The following COPG2 variants were observed in gnomAD, a reference collection of about 807,000 sequenced individuals.
COPG2 encodes the protein coat protein complex I subunit gamma 2, also known as coatomer subunit gamma-2.
A neutral mutation model predicts 46.3 loss-of-function variants in COPG2; 37 were observed. That is an observed-to-expected ratio of 0.80 (90% CI 0.61 to 1.05). The LOEUF is 1.05. Ranked by LOEUF, COPG2 falls within the 50% of genes least tolerant of loss-of-function variation. The probability of loss-of-function intolerance (pLI) is 0.00; values close to 1 mark genes in which losing one functional copy is unlikely to be tolerated. For synonymous variants in COPG2, 159 were observed against 129.7 expected (o/e 1.23, Z -1.53); for missense variants, 427 against 387.8 (o/e 1.10, Z -0.85).
At chr7:130,542,590 T>C (rs1444891835) in intron 20 of COPG2, among the ~76,000 whole-genome samples, 6 of 152,036 alleles carry the variant, frequency 3.9e-5, no homozygotes, top group East Asian at 1.9e-4. Context: ...TGGCAGGGCA[T>C]GCAGGACTGG....
At chr7:130,513,290 T>TAAAAAAAAA (rs1205677638) in intron 20 of COPG2, among the ~76,000 whole-genome samples, 1 of 20,292 alleles carries the variant, frequency 4.9e-5, no homozygotes. Context: ...TAATTCTGTC[T>TAAAAAAAAA]AAAAAAAAAA....
At chr7:130,653,439 A>C (rs1795789313) in intron 4 of COPG2, among the ~76,000 whole-genome samples, 1 of 152,204 alleles carries the variant, frequency 6.6e-6, no homozygotes, top group Non-Finnish European at 1.5e-5. Context: ...TTTTTAGTAG[A>C]GACGGCGTAC....
At position 130,655,580 on chromosome 7, in the gene COPG2, G is replaced by T. The variant is rs530726695; in HGVS notation, c.244-2632C>A. On this transcript the variant is annotated intron_variant, in intron 4 of 23. Transcript: ENST00000425248. The stretch of plus-strand genomic sequence containing the variant: ...CCCTCTCCTCCTTCCTTCTCTCCCC[G>T]CCCCTCTTTTTTCTCTCCAGCTCCT... 1.6e-3 allele frequency among the ~76,000 whole-genome samples: 239 copies of T among 150,714 alleles called. 1 individual carries two copies. The highest frequency in any genetic ancestry group is 5.7e-3 in the African/African-American group (232 of 40,990).
In COPG2 at chr7:130,628,687, A is replaced by G. The variant is rs76363193; in HGVS notation, c.324-11622T>C. Reference sequence around the variant, plus strand: ...GTATCATATTCCTTCTATCTGAAGAATATCCTTTAACATTTCTTGCAGAGT... The same window carrying G: ...GTATCATATTCCTTCTATCTGAAGAGTATCCTTTAACATTTCTTGCAGAGT... On this transcript the variant is annotated intron_variant, in intron 5 of 23. Coordinates refer to ENST00000425248, the MANE Select transcript of COPG2 (RefSeq NM_012133.6). Among the ~76,000 whole-genome samples, 307 of 152,220 alleles carry G rather than the reference A, an allele frequency of 2.0e-3. 2 individuals carry two copies. The highest frequency in any genetic ancestry group is 3.6e-3 in the Non-Finnish European group (242 of 68,018).
chr7:130,592,582 G>A (rs1195477079), intron 9 of COPG2, among the ~76,000 whole-genome samples: 1 of 151,848 alleles, frequency 6.6e-6, no homozygotes. Flanking sequence ...CAATAAACTA[G>A]GAATAAAAAG....
In COPG2 at chr7:130,630,666, C is replaced by A. The variant is rs893639642; in HGVS notation, c.324-13601G>T. On this transcript the variant is annotated intron_variant, in intron 5 of 23. Transcript: ENST00000425248. ...CACTGTGAAACTCTGTTATTAGCTC[C>A]ATAAACAATATTACTTTGTCCTCTT... 2.6e-5 allele frequency among the ~76,000 whole-genome samples: 4 copies of A among 152,178 alleles called. No individual in the cohort carries two copies. In the East Asian group the frequency reaches 7.7e-4, roughly 29 times the overall value.
chr7:130,554,785 A>G (rs1793593465), intron 13 of COPG2, 61 bp from the exon 14 acceptor site: 1 of 398,540 alleles, frequency 2.5e-6, no homozygotes, highest in Non-Finnish European at 4.4e-6. Flanking sequence ...AGAAATGCTT[A>G]CACTCCAAGG....
chr7:130,511,063 C>T (rs1799587171), intron 20 of COPG2: 4 of 484,728 alleles, frequency 8.3e-6, no homozygotes, highest in South Asian at 3.1e-5. Context: ...AAGAACCCAG[C>T]GAATTAGAGA....
At position 130,630,102 on chromosome 7, in the gene COPG2, G is replaced by A. The variant is rs138856972; in HGVS notation, c.324-13037C>T. Among the ~76,000 whole-genome samples the A allele has an allele frequency of 2.4e-4, 37 of 151,850 alleles. No individual in the cohort carries two copies. In the East Asian group the frequency reaches 7.2e-3, roughly 30 times the overall value. ...TAATTTTTGTATTTTTAGTAGAGAT[G>A]GGGTTTCACCATGTTGGCCAGGATG... On this transcript the variant is annotated intron_variant, in intron 5 of 23. Transcript: ENST00000425248.
At chr7:130,596,213 T>C (rs1794524531) in intron 9 of COPG2, among the ~76,000 whole-genome samples, 1 of 152,230 alleles carries the variant, frequency 6.6e-6, no homozygotes, top group Non-Finnish European at 1.5e-5. Flanking sequence ...CCAGCTGCGC[T>C]AAGACACTGA....
In COPG2 at chr7:130,506,578, T is replaced by C; in HGVS notation, c.*98A>G. 2 of 528,296 alleles carry C rather than the reference T, an allele frequency of 3.8e-6. No individual in the cohort carries two copies. Among genetic ancestry groups the C allele is most frequent in the Non-Finnish European group, 6.8e-6 (2 of 293,074 alleles). 32.7% of individuals were successfully genotyped at this position (528,296 alleles called of 1,614,324 possible). On this transcript the variant is annotated 3_prime_UTR_variant, in exon 24 of 24. Coordinates refer to ENST00000425248, the MANE Select transcript of COPG2 (RefSeq NM_012133.6). ...TGTTTAATTTGCTTCTCCAAAGTCA[T>C]TCATCTTCAAAAGTCTGATTCTGGG...
At chr7:130,648,380 C>T (rs1280074470) in intron 5 of COPG2, among the ~76,000 whole-genome samples, 1 of 152,102 alleles carries the variant, frequency 6.6e-6, no homozygotes, top group African/African-American at 2.4e-5. Flanking sequence ...TCATTCACCC[C>T]CTTCCAAGAT....
intron 6 of COPG2, among the ~76,000 whole-genome samples, chr7:130,616,198 T>C (rs1288507663): frequency 6.6e-6 from 1 of 152,194 alleles, no homozygotes; most frequent in Non-Finnish European, 1.5e-5. Flanking sequence ...AATTCAGATA[T>C]ATATTTTTTT....
At chr7:130,664,601 A>C (rs1436938394) in intron 3 of COPG2, among the ~76,000 whole-genome samples, 1 of 152,248 alleles carries the variant, frequency 6.6e-6, no homozygotes, top group Non-Finnish European at 1.5e-5. Flanking sequence ...AAACCTGTTT[A>C]TATAGTTAAT....
At chr7:130,594,869 T>G (rs1164405663) in intron 9 of COPG2, among the ~76,000 whole-genome samples, 1 of 152,094 alleles carries the variant, frequency 6.6e-6, no homozygotes, top group Non-Finnish European at 1.5e-5. Flanking sequence ...CAATGACAAG[T>G]GTTGGTGAGG....
At chr7:130,598,324 T>A (rs1794568627) in intron 9 of COPG2, among the ~76,000 whole-genome samples, 1 of 152,116 alleles carries the variant, frequency 6.6e-6, no homozygotes, top group South Asian at 2.1e-4. Flanking sequence ...GAGCTAGAGG[T>A]AGAAAGGGAA....
At chr7:130,632,436 T>C (rs1237227917) in intron 5 of COPG2, among the ~76,000 whole-genome samples, 1 of 152,230 alleles carries the variant, frequency 6.6e-6, no homozygotes, top group Non-Finnish European at 1.5e-5. Flanking sequence ...TCCTTTGAAT[T>C]TACCTTGTCT....
chr7:130,602,927 T>G (rs903999281), intron 9 of COPG2: 1 of 152,182 alleles, frequency 6.6e-6, no homozygotes, highest in African/African-American at 2.4e-5. Context: ...TACCACCTTC[T>G]ACACCATTAT....
At chr7:130,518,088 G>A (rs1009324599) in intron 20 of COPG2, among the ~76,000 whole-genome samples, 130 of 152,302 alleles carry the variant, frequency 8.5e-4, no homozygotes, top group African/African-American at 3.1e-3. Context: ...ACAGCACTAC[G>A]TATTAATTAT....
Sources: gnomAD v4.1 joint callset for allele counts (sites outside exome capture counted in the v4.1 genomes callset) on GRCh38, gnomAD v4.1.1 for gene constraint, MANE v1.5 for transcripts, NCBI Gene and HGNC (gene_info 2026-07-23, HGNC 2026-07-21) for gene names.